The following BAZ1B variants were observed in gnomAD, a reference collection of about 807,000 sequenced individuals.
The protein encoded by BAZ1B is tyrosine-protein kinase BAZ1B.
A neutral mutation model predicts 153.8 loss-of-function variants in BAZ1B; 22 were observed. The observed-to-expected ratio is 0.14, with a 90% CI of 0.10 to 0.20. The LOEUF is 0.20. Among genes scored for constraint, BAZ1B ranks in the 10% least tolerant of loss-of-function variants. The pLI is 1.00. For synonymous variants in BAZ1B, 676 were observed against 633.4 expected, an observed-to-expected ratio of 1.07 and a Z score of -1.01; for missense variants, 1,325 against 1,799.3, an observed-to-expected ratio of 0.74 and a Z score of 4.77.
In BAZ1B at chr7:73,512,028, C is replaced by CAAAAAAAAAAA. The variant is rs1168749967; in HGVS notation, c.108-1187_108-1177dup. Among the ~76,000 whole-genome samples, 14 of 34,746 alleles carry CAAAAAAAAAAA rather than the reference C, an allele frequency of 4.0e-4. 1 individual carries two copies. Among genetic ancestry groups the CAAAAAAAAAAA allele is most frequent in the African/African-American group, 1.6e-3 (13 of 8,124 alleles). 22.8% of individuals were successfully genotyped at this position (34,746 alleles called of 152,430 possible). A position where few individuals can be genotyped will look rare whatever the true frequency, so the allele number is the denominator to read the frequency against. On this transcript the variant is annotated intron_variant, in intron 1 of 19. Transcript: ENST00000339594. ...GGGTGATAAGAGCGAAACTCCACCT[C>CAAAAAAAAAAA]AAAAAAAAAAAAAAAAAAAAAAAAA...
chr7:73,481,424 G>A (rs1425507738), intron 6 of BAZ1B, among the ~76,000 whole-genome samples: 1 of 151,482 alleles, frequency 6.6e-6, no homozygotes, highest in African/African-American at 2.4e-5. Flanking sequence ...GGCTGAGGCA[G>A]GAGAATGGCC....
At chr7:73,446,000 G>A (rs1326441483) in intron 16 of BAZ1B, among the ~76,000 whole-genome samples, 6 of 152,182 alleles carry the variant, frequency 3.9e-5, no homozygotes, top group East Asian at 1.9e-4. Context: ...AAAATCAGGC[G>A]TAGTGAACAA....
chr7:73,451,372 A>T (rs1417798174), intron 13 of BAZ1B, among the ~76,000 whole-genome samples: 2 of 152,238 alleles, frequency 1.3e-5, no homozygotes, highest in Non-Finnish European at 2.9e-5. Flanking sequence ...CCAATACCAC[A>T]GCTGGATTTC....
chr7:73,444,475 AT>A (rs1787750810), intron 16 of BAZ1B, among the ~76,000 whole-genome samples: 1 of 152,204 alleles, frequency 6.6e-6, no homozygotes, highest in Non-Finnish European at 1.5e-5. Context: ...CCATTTGCTA[AT>A]AGGTCAGCCT....
chr7:73,493,991 G>A (rs182684304), intron 4 of BAZ1B, among the ~76,000 whole-genome samples: 1 of 152,272 alleles, frequency 6.6e-6, no homozygotes, highest in East Asian at 1.9e-4. Flanking sequence ...AAAGGGCCTT[G>A]TATACCATTT....
At chr7:73,467,920 T>C (rs1223743561) in intron 9 of BAZ1B, among the ~76,000 whole-genome samples, 1 of 152,218 alleles carries the variant, frequency 6.6e-6, no homozygotes, top group Non-Finnish European at 1.5e-5. Flanking sequence ...CAGATTCTTC[T>C]ATAAAGTGAC....
intron 6 of BAZ1B, among the ~76,000 whole-genome samples, chr7:73,486,017 T>C (rs1789393220): frequency 6.6e-6 from 1 of 152,166 alleles, no homozygotes; most frequent in African/African-American, 2.4e-5. Flanking sequence ...TCATTGGGCC[T>C]ACAAAAAATT....
chr7:73,507,898 C>T (rs1415626131), intron 3 of BAZ1B, among the ~76,000 whole-genome samples: 1 of 152,052 alleles, frequency 6.6e-6, no homozygotes, highest in Non-Finnish European at 1.5e-5. Flanking sequence ...AAATTTAGTC[C>T]TTATAATAAT....
intron 3 of BAZ1B, among the ~76,000 whole-genome samples, chr7:73,500,656 T>G (rs542503245): frequency 6.7e-6 from 1 of 149,732 alleles, no homozygotes; most frequent in Admixed American, 6.7e-5. Context: ...TTTGGGAGGC[T>G]GAAGTGGGTG....
chr7:73,521,709 G>A, intron 1 of BAZ1B, 118 bp downstream of exon 1: 1 of 792,900 alleles, frequency 1.3e-6, no homozygotes, highest in Non-Finnish European at 1.7e-6. Flanking sequence ...GCGAGCGGCC[G>A]GGGCGCGCTG....
intron 1 of BAZ1B, among the ~76,000 whole-genome samples, chr7:73,517,363 G>A (rs781939995): frequency 6.6e-6 from 1 of 151,988 alleles, no homozygotes; most frequent in Non-Finnish European, 1.5e-5. Context: ...GCGTGGTGGT[G>A]TGCACCTATG....
intron 5 of BAZ1B, among the ~76,000 whole-genome samples, chr7:73,491,801 T>C (rs1452660772): frequency 3.3e-5 from 5 of 152,278 alleles, no homozygotes; most frequent in African/African-American, 1.2e-4. Context: ...TTGACAGTTA[T>C]TAAACTTCTC....
intron 5 of BAZ1B, among the ~76,000 whole-genome samples, chr7:73,490,607 ATTTTTTTT>A (rs34937645): frequency 1.4e-5 from 2 of 142,504 alleles, no homozygotes; most frequent in African/African-American, 5.1e-5. Context: ...AAAACTAAGC[ATTTTTTTT>A]TTTTTTTGAG....
chr7:73,517,068 A>C (rs1790836670), intron 1 of BAZ1B, among the ~76,000 whole-genome samples: 1 of 151,848 alleles, frequency 6.6e-6, no homozygotes, highest in South Asian at 2.1e-4. Context: ...CTGTAATCCC[A>C]GTTGCTTGGG....
chr7:73,485,062 C>CA (rs1438112577), intron 6 of BAZ1B, among the ~76,000 whole-genome samples: 1 of 152,172 alleles, frequency 6.6e-6, no homozygotes, highest in East Asian at 1.9e-4. Context: ...CTGATTTTGA[C>CA]AACTGTACTG....
intron 13 of BAZ1B, among the ~76,000 whole-genome samples, chr7:73,452,439 T>C (rs1187620803): frequency 1.3e-5 from 2 of 152,096 alleles, no homozygotes; most frequent in Admixed American, 6.6e-5. Context: ...GTGATACACG[T>C]TCGGCCGGGC....
chr7:73,468,867 A>G (rs1196284839), intron 9 of BAZ1B, among the ~76,000 whole-genome samples: 1 of 152,128 alleles, frequency 6.6e-6, no homozygotes, highest in Non-Finnish European at 1.5e-5. Context: ...AGTGGCTCAC[A>G]CTTGTAATCC....
intron 13 of BAZ1B, among the ~76,000 whole-genome samples, chr7:73,454,839 T>C (rs1161997483): frequency 6.6e-6 from 1 of 151,904 alleles, no homozygotes; most frequent in Non-Finnish European, 1.5e-5. Flanking sequence ...TCAAATTGAG[T>C]TCCCCGAAGG....
chr7:73,442,951 G>A (rs1005480068), intron 17 of BAZ1B, 123 bp from the exon 18 acceptor site: 19 of 762,976 alleles, frequency 2.5e-5, no homozygotes, highest in Middle Eastern at 2.4e-4. Context: ...TGGCGCAGAG[G>A]TGCTGAAACC....
Sources: allele counts gnomAD v4.1 joint callset (sites outside exome capture counted in the v4.1 genomes callset), GRCh38; gene constraint gnomAD v4.1.1; transcripts MANE v1.5; gene names NCBI Gene and HGNC (gene_info 2026-07-23, HGNC 2026-07-21).